CDH23: variants seen among roughly 807,000 people sequenced by gnomAD.
CDH23 encodes the protein cadherin related 23, also known as cadherin-23.
Under a neutral mutation model 317.1 loss-of-function variants are expected in CDH23, and 189 were observed. That is an observed-to-expected ratio of 0.60 (90% CI 0.53 to 0.67). The LOEUF is 0.67. CDH23 is among the 30% of genes least tolerant of loss of function. CDH23 has a pLI of 0.00. For synonymous variants in CDH23, 1,839 were observed against 1,876.8 expected, an observed-to-expected ratio of 0.98 and a Z score of 0.52; for missense variants, 4,401 against 4,592.4, an observed-to-expected ratio of 0.96 and a Z score of 1.20.
intron 38 of CDH23, among the ~76,000 whole-genome samples, chr10:71,776,048 A>G (rs145477698): frequency 6.6e-6 from 1 of 152,308 alleles, no homozygotes; most frequent in East Asian, 1.9e-4. Context: ...TCACCTCCCA[A>G]ACTCCCTGAG....
chr10:71,630,478 A>G (rs965880828), intron 11 of CDH23, among the ~76,000 whole-genome samples: 1 of 151,876 alleles, frequency 6.6e-6, no homozygotes, highest in Admixed American at 6.6e-5. Context: ...TTGAAGGGAG[A>G]GTCAATGGGA....
chr10:71,707,292 G>A, intron 26 of CDH23: 1 of 1,433,290 alleles, frequency 7.0e-7, no homozygotes, highest in Non-Finnish European at 9.1e-7. Flanking sequence ...TGGTTGCAGG[G>A]ACGGGGAGCA....
chr10:71,644,225 C>T (rs1189257394), intron 12 of CDH23, among the ~76,000 whole-genome samples: 2 of 152,230 alleles, frequency 1.3e-5, no homozygotes, highest in Non-Finnish European at 2.9e-5. Context: ...TCTGGAGCCC[C>T]GCGGCTTGCC....
At chr10:71,598,455 C>G (rs947539084) in intron 9 of CDH23, among the ~76,000 whole-genome samples, 1 of 152,218 alleles carries the variant, frequency 6.6e-6, no homozygotes, top group African/African-American at 2.4e-5. Flanking sequence ...CCAGGAGGGC[C>G]TATGCCCAGA....
chr10:71,679,920 C>A (rs1864544594), intron 17 of CDH23, among the ~76,000 whole-genome samples: 1 of 152,194 alleles, frequency 6.6e-6, no homozygotes, highest in Admixed American at 6.5e-5. Context: ...ATCCCTAGAG[C>A]CCTGGTAGGA....
intron 28 of CDH23, chr10:71,716,023 A>C: frequency 6.7e-7 from 1 of 1,501,596 alleles, no homozygotes; most frequent in South Asian, 1.3e-5. Context: ...TGGGCCGGCC[A>C]TGGCGGAAGC....
chr10:71,736,761 A>G (rs1281672801), intron 34 of CDH23, among the ~76,000 whole-genome samples: 1 of 152,216 alleles, frequency 6.6e-6, no homozygotes, highest in East Asian at 1.9e-4. Flanking sequence ...ACAGCAAGAA[A>G]CCAAAATTAG....
At chr10:71,742,697 A>C (rs565961526) in intron 38 of CDH23, among the ~76,000 whole-genome samples, 10 of 152,356 alleles carry the variant, frequency 6.6e-5, no homozygotes, top group Non-Finnish European at 1.3e-4. Context: ...TTGGGGAATC[A>C]AATTAGCTCA....
At chr10:71,515,394 T>TCTCTCTCTCTCTCTCTCTCACACACACA (rs1491490493) in intron 6 of CDH23, among the ~76,000 whole-genome samples, 1 of 26,694 alleles carries the variant, frequency 3.7e-5, no homozygotes, top group African/African-American at 8.5e-5. Flanking sequence ...TCTCTCTCTC[T>TCTCTCTCTCTCTCTCTCTCACACACACA]CACACACACA....
chr10:71,753,340 G>A (rs1300660848), intron 38 of CDH23, among the ~76,000 whole-genome samples: 1 of 152,242 alleles, frequency 6.6e-6, no homozygotes, highest in Non-Finnish European at 1.5e-5. Context: ...CAGACCTTCA[G>A]GATTTAAGTA....
rs78955453 is a variant in CDH23, at chr10:71,427,493, G to A, written c.-5-12334G>A. Among the ~76,000 whole-genome samples, 579 of 152,212 alleles carry A rather than the reference G, an allele frequency of 3.8e-3. 2 individuals carry two copies. The highest frequency in any genetic ancestry group is 6.0e-3 in the Non-Finnish European group (407 of 68,014). On this transcript the variant is annotated intron_variant, in intron 1 of 69. Coordinates refer to ENST00000224721, the MANE Select transcript of CDH23 (RefSeq NM_022124.6). Reference sequence around the variant, plus strand: ...GCGTCAGTCTCCATTCCTTTTCATGGCTGGATAACATTTCGTTGTGATATA... The same window carrying A: ...GCGTCAGTCTCCATTCCTTTTCATGACTGGATAACATTTCGTTGTGATATA...
chr10:71,687,933 AGGTGCTGTGCTG>A, intron 19 of CDH23, among the ~76,000 whole-genome samples: 1 of 152,344 alleles, frequency 6.6e-6, no homozygotes, highest in East Asian at 1.9e-4. Context: ...TGCTATGTGC[AGGTGCTGTGCTG>A]GGCACTTGGT....
In CDH23 at chr10:71,486,535, A is replaced by G. The variant is rs76817973; in HGVS notation, c.146-23547A>G. 7.6e-3 allele frequency among the ~76,000 whole-genome samples: 1,156 copies of G among 152,274 alleles called. 17 individuals are homozygous for G. Among genetic ancestry groups the G allele is most frequent in the African/African-American group, 0.023 (947 of 41,544 alleles). On this transcript the variant is annotated intron_variant, in intron 3 of 69. Coordinates refer to ENST00000224721, the MANE Select transcript of CDH23 (RefSeq NM_022124.6). ...GGGGCTCAGCTGCAAGTAATGTGGC[A>G]TAAGGTGACATCACTGTCTACCAGG...
intron 6 of CDH23, among the ~76,000 whole-genome samples, chr10:71,524,509 C>T (rs935735683): frequency 2.6e-5 from 4 of 152,164 alleles, no homozygotes; most frequent in Non-Finnish European, 5.9e-5. Flanking sequence ...TTGCTCAGGG[C>T]TACTGGAGGA....
chr10:71,442,648 T>C (rs1315406914), intron 2 of CDH23, among the ~76,000 whole-genome samples: 1 of 152,158 alleles, frequency 6.6e-6, no homozygotes. Context: ...CGTGGGCTTG[T>C]TGGGGAGGCA....
intron 1 of CDH23, among the ~76,000 whole-genome samples, chr10:71,408,621 T>G (rs1218476386): frequency 1.3e-5 from 2 of 152,130 alleles, no homozygotes; most frequent in Admixed American, 1.3e-4. Flanking sequence ...AGGCAGCTGA[T>G]CTGCCAAGCT....
intron 7 of CDH23, among the ~76,000 whole-genome samples, chr10:71,568,317 G>A (rs1857526853): frequency 1.3e-5 from 2 of 152,212 alleles, no homozygotes; most frequent in Admixed American, 1.3e-4. Flanking sequence ...CATGCAGCCT[G>A]GCACCCACAC....
intron 9 of CDH23, among the ~76,000 whole-genome samples, chr10:71,578,703 ACT>A (rs1858410124): frequency 7.7e-6 from 1 of 129,038 alleles, no homozygotes; most frequent in Non-Finnish European, 1.7e-5. Flanking sequence ...TCGCCCACAG[ACT>A]CTGGCTCTGC....
intron 3 of CDH23, among the ~76,000 whole-genome samples, chr10:71,456,928 A>G (rs1850725730): frequency 6.6e-6 from 1 of 152,224 alleles, no homozygotes; most frequent in African/African-American, 2.4e-5. Flanking sequence ...GCACTTAACC[A>G]CAAGTCTGGG....
Sources: gnomAD v4.1 joint callset for allele counts (sites outside exome capture counted in the v4.1 genomes callset) on GRCh38, gnomAD v4.1.1 for gene constraint, MANE v1.5 for transcripts, NCBI Gene and HGNC (gene_info 2026-07-23, HGNC 2026-07-21) for gene names.